Variants in MIPOL1 observed in about 807,000 individuals in gnomAD.
The protein encoded by MIPOL1 is mirror-image polydactyly 1, also known as mirror-image polydactyly gene 1 protein.
A neutral mutation model predicts 60.9 loss-of-function variants in MIPOL1; 57 were observed. That is an observed-to-expected ratio of 0.94 (90% confidence interval 0.76 to 1.17). MIPOL1 has a LOEUF of 1.17. Among genes scored for constraint, MIPOL1 ranks in the 50% most tolerant of loss-of-function variants. The pLI, the probability that MIPOL1 is intolerant of heterozygous loss-of-function variation, is 0.00. For synonymous variants in MIPOL1, 179 were observed against 168.8 expected, an observed-to-expected ratio of 1.06 and a Z score of -0.47; for missense variants, 551 against 511.6, an observed-to-expected ratio of 1.08 and a Z score of -0.74.
In MIPOL1 at chr14:37,499,903, C is replaced by A; in HGVS notation, c.1032-5C>A. ...ATCTTTAAATTTTTTTTAATATTTT[C>A]TCAGTTTACACAAATCTTTATCTCA... is the stretch of plus-strand genomic sequence containing the variant. On this transcript the variant is annotated splice_region_variant and splice_polypyrimidine_tract_variant and intron_variant, in intron 11 of 12. Coordinates refer to ENST00000684589, the MANE Select transcript of MIPOL1 (RefSeq NM_001388067.1). The A allele has an allele frequency of 1.4e-6, 2 of 1,467,588 alleles. No homozygotes were observed. Among genetic ancestry groups the A allele is most frequent in the Non-Finnish European group, 1.9e-6 (2 of 1,074,432 alleles). The allele number at this position is 1,467,588 out of a possible 1,614,324, so 90.9% of individuals were successfully genotyped here. A position where few individuals can be genotyped will look rare whatever the true frequency, so the allele number is the denominator to read the frequency against.
At chr14:37,284,699 C>G (rs1170023873) in intron 6 of MIPOL1, among the ~76,000 whole-genome samples, 1 of 152,136 alleles carries the variant, frequency 6.6e-6, no homozygotes, top group Non-Finnish European at 1.5e-5. Context: ...GGTAGAGTTG[C>G]TTTACTTTGA....
chr14:37,370,981 G>A (rs988932617), intron 10 of MIPOL1, among the ~76,000 whole-genome samples: 2 of 152,076 alleles, frequency 1.3e-5, no homozygotes, highest in African/African-American at 2.4e-5. Context: ...ATTTAAAACA[G>A]CACCTAAGAT....
At chr14:37,205,479 T>G in intron 1 of MIPOL1, among the ~76,000 whole-genome samples, 1 of 152,104 alleles carries the variant, frequency 6.6e-6, no homozygotes, top group Admixed American at 6.6e-5. Flanking sequence ...AGTTTTTTTT[T>G]TTTAATACCT....
At chr14:37,422,796 A>G (rs2093897696) in intron 10 of MIPOL1, 59 bp from the exon 11 acceptor site, 8 of 1,086,248 alleles carry the variant, frequency 7.4e-6, no homozygotes, top group African/African-American at 1.6e-5. Flanking sequence ...TTACCGTGGT[A>G]CTGTATTTTA....
chr14:37,290,236 T>C (rs1285013183), intron 7 of MIPOL1, among the ~76,000 whole-genome samples: 1 of 152,188 alleles, frequency 6.6e-6, no homozygotes, highest in Non-Finnish European at 1.5e-5. Context: ...TTTGTTTGTT[T>C]GTTTTTTGAG....
At chr14:37,314,393 A>C (rs1054864247) in intron 9 of MIPOL1, among the ~76,000 whole-genome samples, 1 of 152,186 alleles carries the variant, frequency 6.6e-6, no homozygotes, top group Non-Finnish European at 1.5e-5. Flanking sequence ...GGAGTAAACT[A>C]AGTGAGAGGA....
chr14:37,500,240 G>C, intron 12 of MIPOL1, 102 bp downstream of exon 12: 1 of 825,164 alleles, frequency 1.2e-6, no homozygotes, highest in Non-Finnish European at 1.9e-6. Flanking sequence ...CATGTTAATA[G>C]TTTAGAACAA....
chr14:37,308,215 C>G (rs575098507), intron 8 of MIPOL1, 126 bp downstream of exon 8: 2 of 1,189,414 alleles, frequency 1.7e-6, no homozygotes, highest in South Asian at 3.2e-5. Context: ...TAATGTACAT[C>G]TTTGCTGCAA....
In MIPOL1 at chr14:37,405,172, T is replaced by C. The variant is rs1385736650; in HGVS notation, c.937-17683T>C. Among the ~76,000 whole-genome samples the C allele has an allele frequency of 4.6e-5, 7 of 152,318 alleles. No individual in the cohort carries two copies. In the East Asian group the frequency reaches 1.4e-3, roughly 29 times the overall value. On this transcript the variant is annotated intron_variant, in intron 10 of 12. Transcript: ENST00000684589. ...GGATCAAAAGCATTTTGAGTAGTTCTATACAACAGTTAAAATCCGCAGCAG... is the reference window on the plus strand; with the variant it reads ...GGATCAAAAGCATTTTGAGTAGTTCCATACAACAGTTAAAATCCGCAGCAG...
intron 10 of MIPOL1, among the ~76,000 whole-genome samples, chr14:37,397,227 C>A (rs773866545): frequency 3.9e-5 from 6 of 152,082 alleles, no homozygotes; most frequent in Non-Finnish European, 8.8e-5. Flanking sequence ...AGCCAAGCTG[C>A]AGTGATTGTT....
intron 11 of MIPOL1, among the ~76,000 whole-genome samples, chr14:37,429,662 G>A (rs1849346702): frequency 6.6e-6 from 1 of 151,824 alleles, no homozygotes. Context: ...AAAGATAGAG[G>A]CCAGATGAAA....
chr14:37,478,668 A>T (rs2153596725), intron 11 of MIPOL1, among the ~76,000 whole-genome samples: 1 of 152,350 alleles, frequency 6.6e-6, no homozygotes, highest in Non-Finnish European at 1.5e-5. Flanking sequence ...TATCTACAAG[A>T]GACTAACTTT....
intron 3 of MIPOL1, among the ~76,000 whole-genome samples, chr14:37,260,510 G>T (rs1226625660): frequency 1.3e-5 from 2 of 152,098 alleles, no homozygotes; most frequent in Admixed American, 6.6e-5. Flanking sequence ...ACACATTATA[G>T]AAGAATAATT....
chr14:37,243,117 A>G lies in MIPOL1; in HGVS notation c.-198-3986A>G, dbSNP rs139199799. On this transcript the variant is annotated intron_variant, in intron 1 of 12. Transcript: ENST00000684589. Reference sequence around the variant, plus strand: ...ATCTTTGTACATAAAAATATCTTACATATTTTTGTAAATATTTTTAGTAAT... The same window carrying G: ...ATCTTTGTACATAAAAATATCTTACGTATTTTTGTAAATATTTTTAGTAAT... 2.9e-3 allele frequency among the ~76,000 whole-genome samples: 449 copies of G among 152,354 alleles called. 3 individuals are homozygous for G. Among genetic ancestry groups the G allele is most frequent in the African/African-American group, 0.01 (426 of 41,582 alleles).
At chr14:37,526,165 A>G (rs1448017120) in intron 12 of MIPOL1, among the ~76,000 whole-genome samples, 1 of 151,864 alleles carries the variant, frequency 6.6e-6, no homozygotes, top group Non-Finnish European at 1.5e-5. Context: ...CTCATAATCA[A>G]GCCTCTGTAG....
chr14:37,279,870 A>G (rs557077060), intron 6 of MIPOL1, among the ~76,000 whole-genome samples: 22 of 152,238 alleles, frequency 1.4e-4, no homozygotes, highest in African/African-American at 4.6e-4. Flanking sequence ...TTGATGTGTA[A>G]TAGATCACCA....
Position 37,551,029 on chromosome 14 carries a change from T to C in MIPOL1, c.*4058T>C, listed in dbSNP as rs2095560553. The C allele has an allele frequency of 1.3e-5, 2 of 152,158 alleles. No individual in the cohort carries two copies. Among genetic ancestry groups the C allele is most frequent in the African/African-American group, 2.4e-5 (1 of 41,456 alleles). The allele number at this position is 152,158 out of a possible 1,614,324, so 9.4% of individuals were successfully genotyped here. ...ATTTGACAATGATAAATGTGTATTT[T>C]TGAGAATCATTAAAATGTATACAAT... On this transcript the variant is annotated 3_prime_UTR_variant, in exon 13 of 13. Coordinates refer to ENST00000684589, the MANE Select transcript of MIPOL1 (RefSeq NM_001388067.1).
chr14:37,371,929 AAT>A (rs1472095003), intron 10 of MIPOL1, among the ~76,000 whole-genome samples: 1 of 152,108 alleles, frequency 6.6e-6, no homozygotes, highest in Non-Finnish European at 1.5e-5. Context: ...CTTTCTGAGC[AAT>A]ATGTTTATCT....
At chr14:37,256,280 C>G (rs1057436457) in intron 3 of MIPOL1, among the ~76,000 whole-genome samples, 1 of 151,594 alleles carries the variant, frequency 6.6e-6, no homozygotes, top group Non-Finnish European at 1.5e-5. Flanking sequence ...CTTGAACCAA[C>G]AACAAGTTTT....
Sources: allele counts gnomAD v4.1 joint callset (sites outside exome capture counted in the v4.1 genomes callset), GRCh38; gene constraint gnomAD v4.1.1; transcripts MANE v1.5; gene names NCBI Gene and HGNC (gene_info 2026-07-23, HGNC 2026-07-21).